TTC39B: variants seen among roughly 807,000 people sequenced by gnomAD.
TTC39B encodes the protein tetratricopeptide repeat domain 39B.
In TTC39B, 92 loss-of-function variants were observed where a neutral mutation model predicts 96.6. The ratio of observed to expected loss-of-function variants is 0.95; its 90% CI spans 0.80 to 1.13. The LOEUF is 1.13. Among genes scored for constraint, TTC39B ranks in the 50% most tolerant of loss-of-function variants. TTC39B has a pLI of 0.00. For missense variants in TTC39B, 955 were observed against 809.3 expected, an observed-to-expected ratio of 1.18 and a Z score of -2.18; for synonymous variants, 367 against 299.4, an observed-to-expected ratio of 1.23 and a Z score of -2.33.
At chr9:15,165,995 T>C (rs1182450198) in exon 20 of TTC39B, 1 of 152,238 alleles carries the variant, frequency 6.6e-6, no homozygotes, top group Non-Finnish European at 1.5e-5. Context: ...ATTTATTTCT[T>C]TCCCAAATGG....
intron 1 of TTC39B, among the ~76,000 whole-genome samples, chr9:15,275,540 G>C (rs1415612808): frequency 3.3e-5 from 5 of 152,198 alleles, no homozygotes; most frequent in Non-Finnish European, 5.9e-5. Context: ...TACGCCAAGC[G>C]CTAGTGAAAC....
chr9:15,287,585 A>T (rs1253836358), intron 1 of TTC39B, among the ~76,000 whole-genome samples: 2 of 152,164 alleles, frequency 1.3e-5, no homozygotes, highest in East Asian at 1.9e-4. Context: ...ACCCTCTTGG[A>T]CTGGACTTGC....
exon 20 of TTC39B, chr9:15,171,726 C>T (rs1483273007): frequency 1.1e-5 from 2 of 188,432 alleles, no homozygotes; most frequent in Admixed American, 1.2e-4. Context: ...TCTAATTAGA[C>T]TATTGCATCT....
At chr9:15,183,263 C>T (rs527343325) in intron 16 of TTC39B, 22 of 366,024 alleles carry the variant, frequency 6.0e-5, no homozygotes, top group Non-Finnish European at 1.1e-4. Context: ...AAACTAAGAT[C>T]ATGACACTCT....
At chr9:15,227,248 C>G (rs10124400) in intron 2 of TTC39B, among the ~76,000 whole-genome samples, 1 of 150,670 alleles carries the variant, frequency 6.6e-6, no homozygotes, top group East Asian at 2.0e-4. Context: ...GCGGAGGTTG[C>G]GGTGAGCCAA....
intron 4 of TTC39B, 73 bp downstream of exon 4, chr9:15,214,066 T>C (rs1285514965): frequency 8.5e-7 from 1 of 1,172,146 alleles, no homozygotes; most frequent in Non-Finnish European, 1.2e-6. Flanking sequence ...TAAATTAATT[T>C]ACAAGCATGA....
At chr9:15,229,345 G>A (rs748261554) in intron 2 of TTC39B, among the ~76,000 whole-genome samples, 21 of 152,146 alleles carry the variant, frequency 1.4e-4, no homozygotes, top group Non-Finnish European at 2.1e-4. Flanking sequence ...TGTCTGACAG[G>A]CCCACCCAAG....
intron 6 of TTC39B, 31 bp from the exon 7 acceptor site, chr9:15,203,921 A>G: frequency 6.3e-7 from 1 of 1,581,008 alleles, no homozygotes; most frequent in Non-Finnish European, 8.6e-7. Context: ...TATATTAAGT[A>G]AAATCACACA....
chr9:15,301,324 G>C (rs1272945382), intron 1 of TTC39B, among the ~76,000 whole-genome samples: 2 of 152,208 alleles, frequency 1.3e-5, no homozygotes, highest in Non-Finnish European at 2.9e-5. Flanking sequence ...GATAGAAATA[G>C]TACAGTGACT....
intron 2 of TTC39B, among the ~76,000 whole-genome samples, chr9:15,251,696 T>TATAC (rs1474805275): frequency 6.6e-4 from 52 of 79,004 alleles, no homozygotes; most frequent in African/African-American, 3.4e-3. Context: ...CACACATACA[T>TATAC]ATACATATAT....
intron 2 of TTC39B, among the ~76,000 whole-genome samples, chr9:15,233,046 G>C (rs529760886): frequency 2.0e-5 from 3 of 152,152 alleles, no homozygotes; most frequent in African/African-American, 7.2e-5. Flanking sequence ...GAAATTTTGC[G>C]ATAGGACAGC....
chr9:15,168,163 T>G (rs1218260504), exon 20 of TTC39B: 2 of 152,228 alleles, frequency 1.3e-5, no homozygotes, highest in Admixed American at 1.3e-4. Flanking sequence ...TTCAGCACCA[T>G]TCCCACATGT....
At chr9:15,294,508 T>A (rs1824301163) in intron 1 of TTC39B, among the ~76,000 whole-genome samples, 1 of 152,228 alleles carries the variant, frequency 6.6e-6, no homozygotes, top group Admixed American at 6.5e-5. Context: ...AAAATATTGC[T>A]GGCATTATCA....
intron 18 of TTC39B, among the ~76,000 whole-genome samples, chr9:15,175,374 T>C (rs1276277703): frequency 2.0e-5 from 3 of 152,178 alleles, no homozygotes; most frequent in African/African-American, 7.2e-5. Context: ...TCGCTGTCTC[T>C]TAAGTAAATC....
intron 1 of TTC39B, among the ~76,000 whole-genome samples, chr9:15,301,230 C>G (rs1328938389): frequency 2.0e-5 from 3 of 152,222 alleles, no homozygotes; most frequent in African/African-American, 7.2e-5. Context: ...AGTGCAATTA[C>G]TGAAAGCGCT....
chr9:15,190,340 GT>G (rs1224578245), intron 11 of TTC39B, among the ~76,000 whole-genome samples: 1 of 151,418 alleles, frequency 6.6e-6, no homozygotes, highest in Non-Finnish European at 1.5e-5. Flanking sequence ...GTTTTGTCTT[GT>G]TTTGTTTTTT....
chr9:15,179,048 G>T (rs1366324682), intron 17 of TTC39B, among the ~76,000 whole-genome samples: 1 of 152,124 alleles, frequency 6.6e-6, no homozygotes, highest in African/African-American at 2.4e-5. Flanking sequence ...AAATGTCAAG[G>T]ATTTTTTCAC....
chr9:15,188,145 T>C lies in TTC39B; in HGVS notation c.1234-13A>G, dbSNP rs1179485242. ...ATACTTCTTGTGCCTGTAAATCAAG[T>C]ACACAAAGTTGATCGTCCAGATATT... On this transcript the variant is annotated splice_polypyrimidine_tract_variant and intron_variant, in intron 13 of 19. Transcript: ENST00000512701. 4 of 1,576,960 alleles carry C rather than the reference T, an allele frequency of 2.5e-6. No homozygotes were observed. Among genetic ancestry groups the C allele is most frequent in the East Asian group, 2.3e-5 (1 of 44,204 alleles).
At chr9:15,236,531 T>G (rs1821790528) in intron 2 of TTC39B, among the ~76,000 whole-genome samples, 1 of 152,190 alleles carries the variant, frequency 6.6e-6, no homozygotes, top group Admixed American at 6.5e-5. Flanking sequence ...TTCTTTTCAT[T>G]TGTGCATGGA....
Sources: allele counts gnomAD v4.1 joint callset (sites outside exome capture counted in the v4.1 genomes callset), GRCh38; gene constraint gnomAD v4.1.1; transcripts MANE v1.5; gene names NCBI Gene and HGNC (gene_info 2026-07-23, HGNC 2026-07-21).